TAFA2: variants seen among roughly 807,000 people sequenced by gnomAD.
TAFA2 encodes TAFA chemokine like family member 2.
In TAFA2, 7 loss-of-function variants were observed where a neutral mutation model predicts 18.8. That is an observed-to-expected ratio of 0.37 (90% CI 0.21 to 0.70). The LOEUF is 0.70. Among genes scored for constraint, TAFA2 ranks in the 30% least tolerant of loss-of-function variants. The pLI, the probability that TAFA2 is intolerant of heterozygous loss-of-function variation, is 0.53. For synonymous variants in TAFA2, 60 were observed against 54.2 expected (o/e 1.11, Z -0.47); for missense variants, 122 against 158.1 (o/e 0.77, Z 1.23).
At chr12:61,993,977 T>G (rs1880097134) in intron 1 of TAFA2, among the ~76,000 whole-genome samples, 1 of 152,108 alleles carries the variant, frequency 6.6e-6, no homozygotes, top group East Asian at 1.9e-4. Context: ...AATCTGACAC[T>G]GAAAACCTCT....
intron 1 of TAFA2, among the ~76,000 whole-genome samples, chr12:61,978,216 C>G (rs1006329194): frequency 6.6e-6 from 1 of 151,906 alleles, no homozygotes; most frequent in Admixed American, 6.6e-5. Flanking sequence ...CTAAGTCTAC[C>G]TGAGTAATTT....
intron 2 of TAFA2, among the ~76,000 whole-genome samples, chr12:61,756,633 T>G (rs1869280263): frequency 6.6e-6 from 1 of 152,024 alleles, no homozygotes; most frequent in Non-Finnish European, 1.5e-5. Flanking sequence ...AGAAAACAAA[T>G]AATAAGCACC....
intron 1 of TAFA2, among the ~76,000 whole-genome samples, chr12:62,147,318 GTATGTATGTATATATATATATATA>G (rs1354938591): frequency 0.014 from 1,183 of 87,616 alleles, 47 homozygotes; most frequent in African/African-American, 0.032. Flanking sequence ...GTGTGTGTGT[GTATGTATGTATATATATATATATA>G]TATATATATA....
chr12:62,112,773 G>A (rs551242381), intron 1 of TAFA2, among the ~76,000 whole-genome samples: 4 of 151,760 alleles, frequency 2.6e-5, no homozygotes, highest in African/African-American at 9.7e-5. Context: ...TGATCAATTT[G>A]GCTATTGATA....
At chr12:61,959,155 T>C (rs1023218582) in intron 1 of TAFA2, among the ~76,000 whole-genome samples, 4 of 152,030 alleles carry the variant, frequency 2.6e-5, no homozygotes, top group Non-Finnish European at 5.9e-5. Context: ...TTTTATTGGC[T>C]GTTCTCATAC....
chr12:61,754,193 C>A (rs892678045), intron 3 of TAFA2, among the ~76,000 whole-genome samples: 1 of 151,686 alleles, frequency 6.6e-6, no homozygotes, highest in African/African-American at 2.4e-5. Context: ...ATATAATATT[C>A]CCATGAATAA....
intron 1 of TAFA2, among the ~76,000 whole-genome samples, chr12:62,156,712 AGAC>A (rs2062371934): frequency 6.6e-6 from 1 of 152,182 alleles, no homozygotes. Context: ...ATGGACAACC[AGAC>A]ATCATATGCT....
At position 62,084,757 on chromosome 12, in the gene TAFA2, A is replaced by G. The variant is rs537111983; in HGVS notation, c.-2+106502T>C. ...CAATAGTGAGACTTCCAATTTTTAGACTTTAAAATTTTTTGAGAGTGATAT... is the reference window on the plus strand; with the variant it reads ...CAATAGTGAGACTTCCAATTTTTAGGCTTTAAAATTTTTTGAGAGTGATAT... On this transcript the variant is annotated intron_variant, in intron 1 of 4. Transcript: ENST00000416284. Among the ~76,000 whole-genome samples the G allele has an allele frequency of 8.2e-4, 125 of 152,246 alleles. 1 individual carries two copies. The South Asian group carries it at 0.014, about 17-fold the overall frequency.
chr12:61,878,305 T>C (rs1335132628), intron 1 of TAFA2, among the ~76,000 whole-genome samples: 2 of 152,184 alleles, frequency 1.3e-5, no homozygotes, highest in African/African-American at 2.4e-5. Context: ...GTAAACTTTA[T>C]GTTATGTCTA....
At chr12:62,149,051 C>A (rs2062307205) in intron 1 of TAFA2, among the ~76,000 whole-genome samples, 1 of 152,240 alleles carries the variant, frequency 6.6e-6, no homozygotes, top group Non-Finnish European at 1.5e-5. Context: ...GGACCACACC[C>A]TCAGCCTGAT....
upstream of TAFA2, among the ~76,000 whole-genome samples, chr12:62,194,279 C>T (rs529835843): frequency 4.0e-5 from 6 of 151,318 alleles, no homozygotes; most frequent in Non-Finnish European, 8.8e-5. Flanking sequence ...TACAAAATCA[C>T]TTTAGAACAT....
intron 1 of TAFA2, among the ~76,000 whole-genome samples, chr12:62,057,350 C>T (rs1219933935): frequency 1.3e-5 from 2 of 151,864 alleles, no homozygotes; most frequent in Non-Finnish European, 2.9e-5. Context: ...GCTTTTTTCT[C>T]TTCTTCTTCT....
intron 1 of TAFA2, among the ~76,000 whole-genome samples, chr12:62,143,656 T>C (rs1342725769): frequency 6.6e-6 from 1 of 152,150 alleles, no homozygotes; most frequent in Admixed American, 6.5e-5. Context: ...ACACTTCTAA[T>C]GGCAGCCTCT....
chr12:61,709,058 G>T lies in TAFA2; in HGVS notation c.*1348C>A, dbSNP rs896477907. On this transcript the variant is annotated 3_prime_UTR_variant, in exon 5 of 5. Transcript: ENST00000416284. ...CTCCTTGCATTCCTTCAAACTATAG[G>T]TTTACACAATATTGTTACAGAATGG... is the stretch of plus-strand genomic sequence containing the variant. 1 of 152,204 alleles carries T rather than the reference G, an allele frequency of 6.6e-6. No individual in the cohort carries two copies. The highest frequency in any genetic ancestry group is 6.6e-5 in the Admixed American group (1 of 15,200). The allele number at this position is 152,204 out of a possible 1,614,324, so 9.4% of individuals were successfully genotyped here.
In TAFA2 at chr12:62,234,825, C is replaced by G. The variant is rs772441253; in HGVS notation, c.-130+23938G>C. The G allele has an allele frequency of 2.2e-5, 23 of 1,029,272 alleles. No homozygotes were observed. The East Asian group carries it at 5.9e-4, about 26-fold the overall frequency. The allele number at this position is 1,029,272 out of a possible 1,614,324, so 63.8% of individuals were successfully genotyped here. ...TGGGCCTGCTTGGGAGTCTGGCTGA[C>G]TTACGAGAGTCCTGAGATCCTAAAA... On this transcript the variant is annotated intron_variant, in intron 1 of 5. Coordinates refer to the TAFA2 transcript ENST00000551619.
chr12:62,059,433 T>C (rs1269788003), intron 1 of TAFA2, among the ~76,000 whole-genome samples: 1 of 151,990 alleles, frequency 6.6e-6, no homozygotes, highest in African/African-American at 2.4e-5. Flanking sequence ...TTGAGTAGGA[T>C]TGGGGAGACA....
intron 2 of TAFA2, among the ~76,000 whole-genome samples, chr12:61,769,409 C>T (rs1161041272): frequency 6.6e-6 from 1 of 152,018 alleles, no homozygotes; most frequent in African/African-American, 2.4e-5. Flanking sequence ...GAAAGCACCA[C>T]CTCTTAGCTG....
chr12:61,719,079 A>G (rs564948576), intron 4 of TAFA2, among the ~76,000 whole-genome samples: 1 of 152,280 alleles, frequency 6.6e-6, no homozygotes, highest in African/African-American at 2.4e-5. Context: ...GAAGAAAATT[A>G]TGGCAGTTGG....
chr12:61,719,090 G>C (rs867552676), intron 4 of TAFA2, among the ~76,000 whole-genome samples: 4 of 152,046 alleles, frequency 2.6e-5, no homozygotes, highest in Non-Finnish European at 4.4e-5. Context: ...TGGCAGTTGG[G>C]GGGGATCTAA....
Sources: gnomAD v4.1 joint callset for allele counts (sites outside exome capture counted in the v4.1 genomes callset) on GRCh38, gnomAD v4.1.1 for gene constraint, MANE v1.5 for transcripts, NCBI Gene and HGNC (gene_info 2026-07-23, HGNC 2026-07-21) for gene names.